SKAP1: variants seen among roughly 807,000 people sequenced by gnomAD.
SKAP1 encodes src kinase-associated phosphoprotein 1.
A neutral mutation model predicts 58.5 loss-of-function variants in SKAP1; 44 were observed. That is an observed-to-expected ratio of 0.75 (90% confidence interval 0.59 to 0.97). SKAP1 has a LOEUF of 0.97. Ranked by LOEUF, SKAP1 falls within the 50% of genes least tolerant of loss-of-function variation. SKAP1 has a pLI of 0.00. For missense variants in SKAP1, 390 were observed against 435.2 expected, an observed-to-expected ratio of 0.90 and a Z score of 0.92; for synonymous variants, 127 against 149.7, an observed-to-expected ratio of 0.85 and a Z score of 1.11.
At chr17:48,195,720 C>A (rs9897940) in intron 4 of SKAP1, among the ~76,000 whole-genome samples, 3 of 152,032 alleles carry the variant, frequency 2.0e-5, no homozygotes, top group Non-Finnish European at 4.4e-5. Flanking sequence ...CTAAAGGACC[C>A]CAGAAAATGG....
intron 4 of SKAP1, among the ~76,000 whole-genome samples, chr17:48,277,267 C>A (rs1197712608): frequency 6.6e-6 from 1 of 152,194 alleles, no homozygotes; most frequent in East Asian, 1.9e-4. Flanking sequence ...AGTGGACATT[C>A]AGCAGCAGCT....
intron 4 of SKAP1, among the ~76,000 whole-genome samples, chr17:48,249,843 C>T (rs1018341209): frequency 6.6e-6 from 1 of 151,928 alleles, no homozygotes; most frequent in Non-Finnish European, 1.5e-5. Context: ...GCACAGAGGC[C>T]TTATAAGTGA....
At chr17:48,315,589 A>C (rs997372249) in intron 4 of SKAP1, among the ~76,000 whole-genome samples, 1 of 152,212 alleles carries the variant, frequency 6.6e-6, no homozygotes, top group Non-Finnish European at 1.5e-5. Flanking sequence ...TACTGTGTAT[A>C]CTTACAGATC....
At chr17:48,364,342 C>T (rs2066975505) in intron 2 of SKAP1, among the ~76,000 whole-genome samples, 2 of 152,204 alleles carry the variant, frequency 1.3e-5, no homozygotes, top group African/African-American at 4.8e-5. Context: ...CAGCCTCGAA[C>T]TCCTGGGCTT....
the SKAP1 span, among the ~76,000 whole-genome samples, chr17:48,440,705 G>T: frequency 3.9e-5 from 6 of 152,180 alleles, no homozygotes; most frequent in South Asian, 2.1e-4. Flanking sequence ...ACCCTCAGTG[G>T]ACTCATACCC....
intron 4 of SKAP1, among the ~76,000 whole-genome samples, chr17:48,269,189 C>T (rs959375769): frequency 7.2e-5 from 11 of 151,870 alleles, no homozygotes; most frequent in Non-Finnish European, 1.2e-4. Flanking sequence ...GGTAAATATA[C>T]GGAAGTCAAA....
chr17:48,391,045 G>A (rs2067337889), intron 2 of SKAP1, among the ~76,000 whole-genome samples: 1 of 152,078 alleles, frequency 6.6e-6, no homozygotes, highest in African/African-American at 2.4e-5. Flanking sequence ...ACTCCAGTCT[G>A]GGTGACAGAA....
chr17:48,354,746 T>C (rs1263509665), intron 3 of SKAP1, among the ~76,000 whole-genome samples: 3 of 152,202 alleles, frequency 2.0e-5, no homozygotes, highest in African/African-American at 7.2e-5. Flanking sequence ...GAAAAATAAA[T>C]GCTTTCTAAT....
chr17:48,139,741 C>T (rs1212450854), intron 11 of SKAP1, among the ~76,000 whole-genome samples: 1 of 152,166 alleles, frequency 6.6e-6, no homozygotes, highest in African/African-American at 2.4e-5. Context: ...CATGTTGCTT[C>T]TGACAACCTC....
chr17:48,370,420 C>A (rs143412026), intron 2 of SKAP1, among the ~76,000 whole-genome samples: 1 of 152,090 alleles, frequency 6.6e-6, no homozygotes, highest in Non-Finnish European at 1.5e-5. Flanking sequence ...ATCCTCCCCA[C>A]CTCAGCCTCC....
intron 1 of SKAP1, among the ~76,000 whole-genome samples, chr17:48,422,741 A>C (rs1356444504): frequency 6.6e-6 from 1 of 152,244 alleles, no homozygotes; most frequent in Non-Finnish European, 1.5e-5. Flanking sequence ...AAGAACAGAA[A>C]TGTTTAGAAA....
At chr17:48,325,248 C>CA (rs200281665) in intron 4 of SKAP1, among the ~76,000 whole-genome samples, 3,465 of 91,120 alleles carry the variant, frequency 0.038, 383 homozygotes, top group African/African-American at 0.058. Context: ...GACTCCGTCT[C>CA]AAAAAAAAAA....
At chr17:48,232,171 G>A (rs1348309882) in intron 4 of SKAP1, among the ~76,000 whole-genome samples, 1 of 152,218 alleles carries the variant, frequency 6.6e-6, no homozygotes, top group East Asian at 1.9e-4. Flanking sequence ...AAAAATGCAA[G>A]TTCCTGGGCG....
At chr17:48,349,836 C>T (rs1233237548) in intron 3 of SKAP1, among the ~76,000 whole-genome samples, 1 of 152,092 alleles carries the variant, frequency 6.6e-6, no homozygotes, top group Non-Finnish European at 1.5e-5. Context: ...TAATTATTTC[C>T]TAGGGTTTCT....
intron 9 of SKAP1, among the ~76,000 whole-genome samples, chr17:48,175,930 G>T (rs1381816441): frequency 6.6e-6 from 1 of 152,104 alleles, no homozygotes; most frequent in East Asian, 1.9e-4. Flanking sequence ...GCCTGATGTT[G>T]GTGTTGACTC....
chr17:48,160,305 A>T (rs208006), intron 11 of SKAP1, among the ~76,000 whole-genome samples: 27,584 of 151,308 alleles, frequency 0.18, 2,594 homozygotes, highest in African/African-American at 0.23. Flanking sequence ...ATTTTTTTTT[A>T]AATTTTTTAT....
chr17:48,401,178 T>A (rs1411270068), intron 1 of SKAP1, among the ~76,000 whole-genome samples: 1 of 151,986 alleles, frequency 6.6e-6, no homozygotes, highest in East Asian at 1.9e-4. Context: ...TGGTGGCTAG[T>A]GCCTGTAATC....
chr17:48,170,674 G>T lies in SKAP1; in HGVS notation c.827-15C>A. 2 of 1,604,470 alleles carry T rather than the reference G, an allele frequency of 1.2e-6. No individual in the cohort carries two copies. The highest frequency in any genetic ancestry group is 8.5e-7 in the Non-Finnish European group (1 of 1,173,000). On this transcript the variant is annotated splice_polypyrimidine_tract_variant and intron_variant, in intron 9 of 12. Coordinates refer to ENST00000336915, the MANE Select transcript of SKAP1 (RefSeq NM_003726.4). ...ATGCTCTTCATCTGGGGGGATAAATGATCAGTATTAGCAATTAGTGGTTCA... is the reference window on the plus strand; with the variant it reads ...ATGCTCTTCATCTGGGGGGATAAATTATCAGTATTAGCAATTAGTGGTTCA...
upstream of SKAP1, among the ~76,000 whole-genome samples, chr17:48,434,763 A>C (rs534769584): frequency 6.6e-6 from 1 of 152,224 alleles, no homozygotes; most frequent in East Asian, 1.9e-4. Flanking sequence ...AAGCTCTTGT[A>C]GAACTGAAAA....
Sources: gnomAD v4.1 joint callset for allele counts (sites outside exome capture counted in the v4.1 genomes callset) on GRCh38, gnomAD v4.1.1 for gene constraint, MANE v1.5 for transcripts, NCBI Gene and HGNC (gene_info 2026-07-23, HGNC 2026-07-21) for gene names.